Variants in ERICH1 observed in about 807,000 individuals in gnomAD.
The protein encoded by ERICH1 is glutamate-rich protein 1.
ERICH1 carries 56 observed loss-of-function variants against 39.6 expected under a neutral mutation model. That is an observed-to-expected ratio of 1.41 (90% CI 1.14 to 1.77). ERICH1 has a LOEUF of 1.77. Among genes scored for constraint, ERICH1 ranks in the 40% most tolerant of loss-of-function variants. The probability of loss-of-function intolerance (pLI) is 0.00; values close to 1 mark genes in which losing one functional copy is unlikely to be tolerated. For synonymous variants in ERICH1, 313 were observed against 223.6 expected, an observed-to-expected ratio of 1.40 and a Z score of -3.57; for missense variants, 826 against 575.4, an observed-to-expected ratio of 1.44 and a Z score of -4.45.
intron 3 of ERICH1, among the ~76,000 whole-genome samples, chr8:633,749 C>T (rs1207425123): frequency 6.6e-6 from 1 of 152,228 alleles, no homozygotes; most frequent in East Asian, 1.9e-4. Context: ...GTCGAATGGG[C>T]TTTGGCACAG....
Position 726,293 on chromosome 8 carries a change from C to A in ERICH1, c.22+4847G>T, listed in dbSNP as rs1017144738. On this transcript the variant is annotated intron_variant, in intron 1 of 5. Coordinates refer to ENST00000262109, the MANE Select transcript of ERICH1 (RefSeq NM_207332.3). Reference sequence around the variant, plus strand: ...CACCACACAAGGACACACACAGACACGCATGTACAAACACGCCACACGCAG... The same window carrying A: ...CACCACACAAGGACACACACAGACAAGCATGTACAAACACGCCACACGCAG... Among the ~76,000 whole-genome samples, 50 of 152,140 alleles carry A rather than the reference C, an allele frequency of 3.3e-4. 3 individuals carry two copies.
Position 664,572 on chromosome 8 carries a change from AGAG to A in ERICH1, c.*28_*30del. ...TTTGTCTTTTAAGTTTTTTTGTTAAAGAGGAGCTGTTCTTAAAGAGATATTCCA... is the reference window on the plus strand; with the variant it reads ...TTTGTCTTTTAAGTTTTTTTGTTAAAGAGCTGTTCTTAAAGAGATATTCCA... On this transcript the variant is annotated 3_prime_UTR_variant, in exon 6 of 6. Coordinates refer to ENST00000262109, the MANE Select transcript of ERICH1 (RefSeq NM_207332.3). 1.9e-6 allele frequency: 3 copies of A among 1,582,104 alleles called. No homozygotes were observed. Among genetic ancestry groups the A allele is most frequent in the Non-Finnish European group, 2.6e-6 (3 of 1,166,554 alleles).
chr8:654,754 CCA>C (rs1386860895), intron 3 of ERICH1, among the ~76,000 whole-genome samples: 2 of 152,050 alleles, frequency 1.3e-5, no homozygotes, highest in Non-Finnish European at 2.9e-5. Flanking sequence ...TGGGCTGACA[CCA>C]CAGTGTCCCC....
At chr8:680,804 A>G (rs1805950751) in intron 3 of ERICH1, among the ~76,000 whole-genome samples, 1 of 152,184 alleles carries the variant, frequency 6.6e-6, no homozygotes, top group African/African-American at 2.4e-5. Flanking sequence ...ACAGTGTGTG[A>G]GAGAGCCCAG....
chr8:679,779 G>A (rs1312663085), intron 3 of ERICH1, among the ~76,000 whole-genome samples: 1 of 152,226 alleles, frequency 6.6e-6, no homozygotes, highest in Non-Finnish European at 1.5e-5. Context: ...TGGGGCTCCA[G>A]GCAGGGCACC....
chr8:625,801 C>G (rs1174985160), intron 3 of ERICH1: 1 of 152,202 alleles, frequency 6.6e-6, no homozygotes, highest in African/African-American at 2.4e-5. Flanking sequence ...CCTCGCCGGG[C>G]AATGATGTAT....
At chr8:637,428 T>A (rs1341017336) in intron 3 of ERICH1, 1 of 152,236 alleles carries the variant, frequency 6.6e-6, no homozygotes, top group Non-Finnish European at 1.5e-5. Flanking sequence ...ACCACGTGCT[T>A]GGGGTTTTGC....
chr8:653,528 T>C (rs1283228745), intron 3 of ERICH1, among the ~76,000 whole-genome samples: 1 of 152,158 alleles, frequency 6.6e-6, no homozygotes, highest in African/African-American at 2.4e-5. Context: ...CTTTTTTTTG[T>C]CTATATATTT....
chr8:721,002 GT>G (rs956885465), intron 1 of ERICH1, among the ~76,000 whole-genome samples: 2 of 152,166 alleles, frequency 1.3e-5, no homozygotes, highest in African/African-American at 4.8e-5. Flanking sequence ...GCAAAGGCTG[GT>G]TTTGTGTCAT....
chr8:684,494 C>G (rs336440), intron 3 of ERICH1, among the ~76,000 whole-genome samples: 1,885 of 152,252 alleles, frequency 0.012, 43 homozygotes, highest in African/African-American at 0.042. Context: ...GACTTGGACT[C>G]GTGACTTTTT....
At chr8:728,413 C>T (rs888011911) in intron 1 of ERICH1, among the ~76,000 whole-genome samples, 3 of 152,146 alleles carry the variant, frequency 2.0e-5, no homozygotes, top group African/African-American at 4.8e-5. Flanking sequence ...AGGAGTCACC[C>T]GGGCAGCTCC....
chr8:677,820 G>C (rs938893353), intron 3 of ERICH1, among the ~76,000 whole-genome samples: 9 of 152,058 alleles, frequency 5.9e-5, no homozygotes, highest in Non-Finnish European at 1.3e-4. Flanking sequence ...GACAGGTCAC[G>C]GGGGCGACCC....
chr8:651,837 G>A (rs181043278), intron 3 of ERICH1, among the ~76,000 whole-genome samples: 1,669 of 152,260 alleles, frequency 0.011, 32 homozygotes, highest in African/African-American at 0.039. Flanking sequence ...AAATCGGTGA[G>A]GAAAGGGACT....
chr8:670,900 C>T (rs1312050331), intron 4 of ERICH1, among the ~76,000 whole-genome samples: 1 of 151,696 alleles, frequency 6.6e-6, no homozygotes, highest in African/African-American at 2.4e-5. Flanking sequence ...ACCTCTGAAC[C>T]CGCCGGCCCC....
chr8:716,113 G>C, intron 1 of ERICH1, 106 bp from the exon 2 acceptor site: 1 of 1,370,244 alleles, frequency 7.3e-7, no homozygotes, highest in Non-Finnish European at 9.7e-7. Context: ...CATCCTGAAA[G>C]CACCAACGGA....
chr8:717,634 A>G (rs1816316316), intron 1 of ERICH1, among the ~76,000 whole-genome samples: 1 of 152,254 alleles, frequency 6.6e-6, no homozygotes, highest in African/African-American at 2.4e-5. Context: ...AAGCCAAAAC[A>G]AATTCTAAGA....
chr8:662,654 G>T (rs531336361), downstream of ERICH1, among the ~76,000 whole-genome samples: 203 of 152,194 alleles, frequency 1.3e-3, 1 homozygote, highest in Non-Finnish European at 2.4e-3. Flanking sequence ...ATCTCAAAAA[G>T]AAAATAAAAA....
At chr8:726,293 C>T (rs1017144738) in intron 1 of ERICH1, among the ~76,000 whole-genome samples, 21 of 152,140 alleles carry the variant, frequency 1.4e-4, no homozygotes, top group African/African-American at 3.1e-4. Context: ...CACACAGACA[C>T]GCATGTACAA....
Position 664,416 on chromosome 8 carries a change from TC to T in ERICH1, c.*186del. On this transcript the variant is annotated 3_prime_UTR_variant, in exon 6 of 6. Coordinates refer to ENST00000262109, the MANE Select transcript of ERICH1 (RefSeq NM_207332.3). ...TATAATTGCAAATAAGTGAAAAATT[TC>T]CATTTTACCCCAATTTCTCATCTGA... The T allele has an allele frequency of 8.0e-7, 1 of 1,246,822 alleles. No homozygotes were observed. Among genetic ancestry groups the T allele is most frequent in the Non-Finnish European group, 1.0e-6 (1 of 994,762 alleles). 77.2% of individuals were successfully genotyped at this position (1,246,822 alleles called of 1,614,324 possible).
Sources: gnomAD v4.1 joint callset for allele counts (sites outside exome capture counted in the v4.1 genomes callset) on GRCh38, gnomAD v4.1.1 for gene constraint, MANE v1.5 for transcripts, NCBI Gene and HGNC (gene_info 2026-07-23, HGNC 2026-07-21) for gene names.